Variants in TM4SF19 observed in about 807,000 individuals in gnomAD.
TM4SF19 encodes transmembrane 4 L6 family member 19.
A neutral mutation model predicts 21.8 loss-of-function variants in TM4SF19; 17 were observed. That is an observed-to-expected ratio of 0.78 (90% CI 0.53 to 1.17). TM4SF19 has a LOEUF of 1.17. TM4SF19 is among the 50% of genes most tolerant of loss of function. The pLI is 0.00. For missense variants in TM4SF19, 216 were observed against 252.1 expected, an observed-to-expected ratio of 0.86 and a Z score of 0.97; for synonymous variants, 107 against 106.7, an observed-to-expected ratio of 1.00 and a Z score of -0.02.
At chr3:196,332,643 T>A (rs1727566484) in intron 1 of TM4SF19, among the ~76,000 whole-genome samples, 1 of 151,796 alleles carries the variant, frequency 6.6e-6, no homozygotes, top group South Asian at 2.1e-4. Context: ...TAGTCCCCCA[T>A]ATCTGCAGGG....
chr3:196,337,394 T>G (rs1383900630), intron 1 of TM4SF19, among the ~76,000 whole-genome samples: 1 of 152,180 alleles, frequency 6.6e-6, no homozygotes, highest in Non-Finnish European at 1.5e-5. Flanking sequence ...GTTGTTACAC[T>G]GTCTTTCTAA....
At chr3:196,336,215 T>C (rs997301751) in intron 1 of TM4SF19, among the ~76,000 whole-genome samples, 49 of 152,148 alleles carry the variant, frequency 3.2e-4, no homozygotes, top group Admixed American at 1.7e-3. Context: ...CTCAGCTCAC[T>C]GCTACCTCCG....
chr3:196,332,630 C>T (rs1046952862), intron 1 of TM4SF19, among the ~76,000 whole-genome samples: 1 of 151,648 alleles, frequency 6.6e-6, no homozygotes, highest in East Asian at 1.9e-4. Context: ...CACACACACA[C>T]AATAGTCCCC....
intron 1 of TM4SF19, among the ~76,000 whole-genome samples, chr3:196,336,358 G>C (rs1727762374): frequency 6.6e-6 from 1 of 152,116 alleles, no homozygotes; most frequent in African/African-American, 2.4e-5. Context: ...CGCTGGTCTT[G>C]AACTCCTGAC....
At position 196,331,282 on chromosome 3, in the gene TM4SF19, A is replaced by T. The variant is rs539257317; in HGVS notation, c.-1-3691T>A. ...CAAGAGTGAAGCTCTATCTAAAAAA[A>T]AAATATATATATATACATATATATA... On this transcript the variant is annotated intron_variant, in intron 1 of 4. Transcript: ENST00000273695. 8.3e-3 allele frequency among the ~76,000 whole-genome samples: 1,234 copies of T among 149,302 alleles called. 7 individuals are homozygous for T. The highest frequency in any genetic ancestry group is 0.031 in the Middle Eastern group (9 of 286).
chr3:196,327,084 T>C, intron 2 of TM4SF19, 52 bp from the exon 3 acceptor site: 3 of 1,462,580 alleles, frequency 2.1e-6, no homozygotes, highest in South Asian at 1.2e-5. Flanking sequence ...TGCCGGCTGT[T>C]TCTAGGTGCT....
intron 3 of TM4SF19, among the ~76,000 whole-genome samples, chr3:196,326,266 C>T (rs970447463): frequency 1.3e-5 from 2 of 152,226 alleles, no homozygotes; most frequent in African/African-American, 2.4e-5. Flanking sequence ...TGAGCCACCG[C>T]GCCTGGCCTA....
intron 3 of TM4SF19, 100 bp downstream of exon 3, chr3:196,326,855 T>G: frequency 1.1e-6 from 1 of 882,030 alleles, no homozygotes; most frequent in Non-Finnish European, 1.8e-6. Flanking sequence ...AGGACCTGAC[T>G]TCAGGCCCCA....
At position 196,329,421 on chromosome 3, in the gene TM4SF19, AAGG is replaced by A. The variant is rs1346468257; in HGVS notation, c.-1-1833_-1-1831del. ...TTTATAAAATTTCTAGAATAAAACA[AAGG>A]AGAAAAACACTGGGACCTTGGGTTA... On this transcript the variant is annotated intron_variant, in intron 1 of 4. Transcript: ENST00000273695. 1.6e-5 allele frequency among the ~76,000 whole-genome samples: 2 copies of A among 126,746 alleles called. 1 individual carries two copies. The highest frequency in any genetic ancestry group is 3.5e-5 in the Non-Finnish European group (2 of 57,614). The allele number at this position is 126,746 out of a possible 152,430, so 83.2% of individuals were successfully genotyped here.
At chr3:196,328,970 G>A (rs897153617) in intron 1 of TM4SF19, among the ~76,000 whole-genome samples, 3 of 151,940 alleles carry the variant, frequency 2.0e-5, no homozygotes, top group African/African-American at 7.3e-5. Context: ...TTGAGACGGA[G>A]TCTCGCTCTG....
At chr3:196,337,602 A>C (rs1018478804) in intron 1 of TM4SF19, among the ~76,000 whole-genome samples, 2 of 151,924 alleles carry the variant, frequency 1.3e-5, no homozygotes, top group African/African-American at 2.4e-5. Flanking sequence ...CGGGTAAGGG[A>C]AAAACGCCTC....
rs1441687317 is a variant in TM4SF19, at chr3:196,323,840, A to C, written c.607T>G (p.Phe203Val). Residue 203 changes from phenylalanine (F) to valine (V), a missense_variant, in exon 5 of 5, where the codon TTC becomes GTC. Transcript: ENST00000273695. ...VHVINSLLGL[F>V]CSLCEK is the part of the protein sequence containing the mutation. Reference sequence around the variant, plus strand: ...TGTCACTTCTCGCAGAGGCTGCAGAAAAGGCCCAGGAGGCTGTTGATGACA... The same window carrying C: ...TGTCACTTCTCGCAGAGGCTGCAGACAAGGCCCAGGAGGCTGTTGATGACA... 1.2e-6 allele frequency: 2 copies of C among 1,614,040 alleles called. No individual in the cohort carries two copies. The highest frequency in any genetic ancestry group is 1.7e-6 in the Non-Finnish European group (2 of 1,180,048).
At position 196,324,627 on chromosome 3, in the gene TM4SF19, C is replaced by T. The variant is rs1025462589; in HGVS notation, c.280-187G>A. The T allele has an allele frequency of 2.1e-5, 13 of 614,242 alleles. No individual in the cohort carries two copies. The African/African-American group carries it at 2.4e-4, about 11-fold the overall frequency. 38.0% of individuals were successfully genotyped at this position (614,242 alleles called of 1,614,324 possible). On this transcript the variant is annotated intron_variant, in intron 3 of 4. Coordinates refer to ENST00000273695, the MANE Select transcript of TM4SF19 (RefSeq NM_138461.4). Reference sequence around the variant, plus strand: ...TGGGGGAGAATTCTGTCCATGGCACCCCCTTTGAAGCATAACCCATGGTGG... The same window carrying T: ...TGGGGGAGAATTCTGTCCATGGCACTCCCTTTGAAGCATAACCCATGGTGG...
chr3:196,324,628 C>T, intron 3 of TM4SF19, 188 bp from the exon 4 acceptor site: 1 of 608,734 alleles, frequency 1.6e-6, no homozygotes, highest in East Asian at 2.8e-5. Flanking sequence ...CCATGGCACC[C>T]CCTTTGAAGC....
rs35897935 is a variant in TM4SF19, at chr3:196,337,051, C to CTTT, written c.-2+1210_-2+1212dup. ...GACACTGCTGACGCAAAAAGCAATT[C>CTTT]TTTTTTTTTTTTTTTTTTTTTTTTT... On this transcript the variant is annotated intron_variant, in intron 1 of 4. Coordinates refer to ENST00000273695, the MANE Select transcript of TM4SF19 (RefSeq NM_138461.4). Among the ~76,000 whole-genome samples, 29 of 67,824 alleles carry CTTT rather than the reference C, an allele frequency of 4.3e-4. 4 individuals are homozygous for CTTT. Among genetic ancestry groups the CTTT allele is most frequent in the Non-Finnish European group, 5.4e-4 (21 of 39,112 alleles). The allele number at this position is 67,824 out of a possible 152,430, so 44.5% of individuals were successfully genotyped here.
intron 3 of TM4SF19, 67 bp downstream of exon 3, chr3:196,326,888 G>A (rs1164900523): frequency 7.7e-6 from 11 of 1,429,104 alleles, no homozygotes; most frequent in South Asian, 7.3e-5. Context: ...CCTCTTTACC[G>A]CCCTGCCTCT....
rs1017905777 is a variant in TM4SF19 at position 196,325,954 on chromosome 3, T to G, written c.279+1001A>C. Among the ~76,000 whole-genome samples the G allele has an allele frequency of 1.3e-5, 2 of 152,080 alleles. No individual in the cohort carries two copies. The highest frequency in any genetic ancestry group is 2.9e-5 in the Non-Finnish European group (2 of 68,012). On this transcript the variant is annotated intron_variant, in intron 3 of 4. Transcript: ENST00000273695. This position sits in a 1 kb window ranked among gnomAD's most constrained non-coding sequence, Gnocchi z 4.3. ...GACAGTGAATGAAATGTGCAAGTGTTTATTTATTTATCTATGTACTTATTT... is the reference window on the plus strand; with the variant it reads ...GACAGTGAATGAAATGTGCAAGTGTGTATTTATTTATCTATGTACTTATTT...
At chr3:196,337,051 C>CTTTTTTT (rs35897935) in intron 1 of TM4SF19, among the ~76,000 whole-genome samples, 10 of 67,818 alleles carry the variant, frequency 1.5e-4, no homozygotes, top group Admixed American at 4.4e-4. Flanking sequence ...AAAAGCAATT[C>CTTTTTTT]TTTTTTTTTT....
intron 4 of TM4SF19, 123 bp from the exon 5 acceptor site, chr3:196,324,120 C>T (rs749731631): frequency 8.4e-6 from 12 of 1,426,328 alleles, no homozygotes; most frequent in Middle Eastern, 1.7e-4. Flanking sequence ...TGAGGGTGAC[C>T]GTTACTGCTC....
Sources: gnomAD v4.1 joint callset for allele counts (sites outside exome capture counted in the v4.1 genomes callset) on GRCh38, gnomAD v4.1.1 for gene constraint, Gnocchi (gnomAD v3.1) non-coding constraint, MANE v1.5 for transcripts, NCBI Gene and HGNC (gene_info 2026-07-23, HGNC 2026-07-21) for gene names.